Variants in PRDM16 observed in about 807,000 individuals in gnomAD.
PRDM16 encodes the protein histone-lysine N-methyltransferase PRDM16.
Under a neutral mutation model 110.6 loss-of-function variants are expected in PRDM16, and 23 were observed. The observed-to-expected ratio is 0.21, with a 90% confidence interval of 0.15 to 0.29. The LOEUF is 0.29. PRDM16 is among the 10% of genes least tolerant of loss of function. The pLI, the probability that PRDM16 is intolerant of heterozygous loss-of-function variation, is 1.00. For synonymous variants in PRDM16, 799 were observed against 781.8 expected (o/e 1.02, Z -0.37); for missense variants, 1,615 against 1,794.3 (o/e 0.90, Z 1.81).
intron 3 of PRDM16, among the ~76,000 whole-genome samples, chr1:3,336,734 CTG>C (rs1394399948): frequency 1.6e-4 from 24 of 145,472 alleles, no homozygotes; most frequent in African/African-American, 5.1e-4. Context: ...TGGTGTGAAT[CTG>C]TGTGTGAATG....
intron 3 of PRDM16, among the ~76,000 whole-genome samples, chr1:3,371,106 G>T (rs1233193064): frequency 8.3e-6 from 1 of 120,470 alleles, no homozygotes; most frequent in Non-Finnish European, 1.7e-5. Context: ...CATCCACTCA[G>T]TAATCCACCC....
At chr1:3,355,205 G>T (rs1642570088) in intron 3 of PRDM16, among the ~76,000 whole-genome samples, 1 of 152,190 alleles carries the variant, frequency 6.6e-6, no homozygotes, top group Non-Finnish European at 1.5e-5. Flanking sequence ...CTCTGCAGCT[G>T]CATCTGGGGC....
chr1:3,289,270 C>T (rs1570001632), intron 3 of PRDM16, among the ~76,000 whole-genome samples: 1 of 152,132 alleles, frequency 6.6e-6, no homozygotes, highest in South Asian at 2.1e-4. Context: ...CCTGCCTAGG[C>T]CCCCAGAGAT....
intron 3 of PRDM16, among the ~76,000 whole-genome samples, chr1:3,332,865 T>A (rs1642073286): frequency 6.6e-6 from 1 of 152,148 alleles, no homozygotes; most frequent in Non-Finnish European, 1.5e-5. Flanking sequence ...AATTCTATGA[T>A]CTGTGTCCTT....
At chr1:3,195,285 C>T (rs1015644863) in intron 2 of PRDM16, among the ~76,000 whole-genome samples, 5 of 152,282 alleles carry the variant, frequency 3.3e-5, no homozygotes, top group African/African-American at 9.6e-5. Context: ...CAGCCCTAGA[C>T]GTTTTTAGCC....
chr1:3,381,955 AC>A (rs1643109311), intron 3 of PRDM16, among the ~76,000 whole-genome samples: 1 of 152,042 alleles, frequency 6.6e-6, no homozygotes, highest in Non-Finnish European at 1.5e-5. Flanking sequence ...TCCAACCCAG[AC>A]CCGGCCAGTG....
chr1:3,404,592 G>T (rs1349974246), intron 6 of PRDM16, 147 bp from the exon 7 acceptor site: 4 of 965,628 alleles, frequency 4.1e-6, no homozygotes, highest in Non-Finnish European at 6.0e-6. Flanking sequence ...GAGGAGGTGG[G>T]CAGGGAGACA....
At position 3,209,981 on chromosome 1, in the gene PRDM16, G is replaced by A. The variant is rs1287217340; in HGVS notation, c.387+23507G>A. Among the ~76,000 whole-genome samples, 1 of 152,170 alleles carries A rather than the reference G, an allele frequency of 6.6e-6. No homozygotes were observed. Among genetic ancestry groups the A allele is most frequent in the Non-Finnish European group, 1.5e-5 (1 of 68,038 alleles). ...GTAGCATTTTCTAGAGACATTTGCA[G>A]GAAGGTATTTGACACATTAAAGCCA... On this transcript the variant is annotated intron_variant, in intron 2 of 16. Coordinates refer to ENST00000270722, the MANE Select transcript of PRDM16 (RefSeq NM_022114.4). This position sits in a 1 kb window ranked among gnomAD's most constrained non-coding sequence, Gnocchi z 4.6.
chr1:3,116,703 C>T (rs1392690717), intron 1 of PRDM16, among the ~76,000 whole-genome samples: 3 of 152,182 alleles, frequency 2.0e-5, no homozygotes, highest in African/African-American at 7.2e-5. Flanking sequence ...GTCAGGCTGA[C>T]CTCAGAGGTC....
chr1:3,194,648 G>A (rs1017791833), intron 2 of PRDM16, among the ~76,000 whole-genome samples: 20 of 148,396 alleles, frequency 1.3e-4, no homozygotes, highest in Admixed American at 8.3e-4. Flanking sequence ...CCCGCCACAC[G>A]CCACCGTCTC....
chr1:3,240,097 AGAGGAGAG>A (rs1289637881), intron 2 of PRDM16, among the ~76,000 whole-genome samples: 9 of 148,514 alleles, frequency 6.1e-5, no homozygotes, highest in Admixed American at 1.3e-4. Flanking sequence ...AGAGGAGAGG[AGAGGAGAG>A]GAGGAGAAGA....
intron 3 of PRDM16, among the ~76,000 whole-genome samples, chr1:3,270,700 C>CAGTCCCGGAGGAGGACAGTCGGGGAGGAT (rs1640428476): frequency 7.0e-6 from 1 of 143,700 alleles, no homozygotes; most frequent in African/African-American, 2.6e-5. Context: ...TCGGGGAGGA[C>CAGTCCCGGAGGAGGACAGTCGGGGAGGAT]AGTCCCGGAG....
intron 2 of PRDM16, among the ~76,000 whole-genome samples, chr1:3,198,955 A>G (rs1638550639): frequency 6.6e-6 from 1 of 152,196 alleles, no homozygotes; most frequent in Non-Finnish European, 1.5e-5. Flanking sequence ...GATTTCTGCC[A>G]TTTAGGCCCC....
intron 1 of PRDM16, among the ~76,000 whole-genome samples, chr1:3,162,590 A>G (rs1246136979): frequency 6.6e-6 from 1 of 152,156 alleles, no homozygotes; most frequent in Non-Finnish European, 1.5e-5. Flanking sequence ...TGGTCTGGAA[A>G]ATGACCAGGC....
chr1:3,426,084 T>G lies in PRDM16; in HGVS notation c.3143T>G (p.Leu1048Arg). ...SQHPGVLTNH[L>R]GTSASSPTSE... ...CACCCCGGGGTCCTCACGAACCACCTGGGGACCAGCGCGTCCTCTCCCACC... is the reference window on the plus strand; with the variant it reads ...CACCCCGGGGTCCTCACGAACCACCGGGGGACCAGCGCGTCCTCTCCCACC... The change falls in exon 14 of 17, where the codon CTG (leucine) becomes CGG (arginine). Residue 1048 changes from leucine to arginine, a missense_variant. Leu to Arg is a moderately radical substitution (Grantham distance 102). This residue lies in a region of PRDM16 where 327 missense variants were observed against 359.3 expected (regional missense o/e 0.91). Transcript: ENST00000270722. The G allele has an allele frequency of 6.2e-7, 1 of 1,613,788 alleles. No individual in the cohort carries two copies. Among genetic ancestry groups the G allele is most frequent in the Non-Finnish European group, 8.5e-7 (1 of 1,179,956 alleles).
At chr1:3,298,545 G>T (rs1191324077) in intron 3 of PRDM16, among the ~76,000 whole-genome samples, 1 of 152,218 alleles carries the variant, frequency 6.6e-6, no homozygotes, top group Non-Finnish European at 1.5e-5. Flanking sequence ...TGATGCCTTT[G>T]TGTCCCCACA....
rs1286395890 is a variant in PRDM16, at chr1:3,436,893, G to C, written c.*3082G>C. 1.7e-5 allele frequency: 4 copies of C among 232,436 alleles called. No individual in the cohort carries two copies. Among genetic ancestry groups the C allele is most frequent in the Non-Finnish European group, 3.4e-5 (4 of 117,776 alleles). The allele number at this position is 232,436 out of a possible 1,614,324, so 14.4% of individuals were successfully genotyped here. On this transcript the variant is annotated 3_prime_UTR_variant, in exon 17 of 17. Transcript: ENST00000270722. ...ATGCTGCCCCAATGCTAACTCCTTGGATTGTCAACCCCCATCCCCCAAATG... is the reference window on the plus strand; with the variant it reads ...ATGCTGCCCCAATGCTAACTCCTTGCATTGTCAACCCCCATCCCCCAAATG...
At chr1:3,150,539 CAG>C (rs1210585146) in intron 1 of PRDM16, among the ~76,000 whole-genome samples, 1 of 152,176 alleles carries the variant, frequency 6.6e-6, no homozygotes, top group African/African-American at 2.4e-5. Flanking sequence ...GCCTGGGTGA[CAG>C]AGCGAGACTC....
intron 3 of PRDM16, among the ~76,000 whole-genome samples, chr1:3,277,125 T>C (rs1237217068): frequency 6.6e-6 from 1 of 152,182 alleles, no homozygotes. Context: ...CTGTGGTCTC[T>C]GCACAATGAC....
Sources: allele counts gnomAD v4.1 joint callset (sites outside exome capture counted in the v4.1 genomes callset), GRCh38; gene constraint gnomAD v4.1.1; regional missense constraint gnomAD v4.1.1; non-coding constraint Gnocchi (gnomAD v3.1); transcripts MANE v1.5; gene names NCBI Gene and HGNC (gene_info 2026-07-23, HGNC 2026-07-21).